The following GCM1 variants were observed in gnomAD, a reference collection of about 807,000 sequenced individuals.
GCM1 encodes the protein chorion-specific transcription factor GCMa.
GCM1 carries 2 observed loss-of-function variants against 25.7 expected under a neutral mutation model. The observed-to-expected ratio is 0.08, with a 90% CI of 0.03 to 0.24. GCM1 has a LOEUF of 0.24. GCM1 is among the 10% of genes least tolerant of loss of function. The probability of loss-of-function intolerance (pLI) is 1.00; values close to 1 mark genes in which losing one functional copy is unlikely to be tolerated. For missense variants in GCM1, 395 were observed against 538.7 expected, an observed-to-expected ratio of 0.73 and a Z score of 2.64; for synonymous variants, 183 against 195.7, an observed-to-expected ratio of 0.94 and a Z score of 0.54.
At chr6:53,143,576 G>A (rs1763910440) in intron 2 of GCM1, among the ~76,000 whole-genome samples, 1 of 152,132 alleles carries the variant, frequency 6.6e-6, no homozygotes, top group Non-Finnish European at 1.5e-5. Flanking sequence ...CATGAAGTTA[G>A]AAAAAGGTGA....
At chr6:53,148,212 G>A (rs988578942) in intron 1 of GCM1, among the ~76,000 whole-genome samples, 7 of 152,174 alleles carry the variant, frequency 4.6e-5, no homozygotes, top group Admixed American at 6.5e-5. Context: ...CAGCAGTTCC[G>A]TGTACTTACC....
chr6:53,147,073 G>A (rs772301986), intron 1 of GCM1, among the ~76,000 whole-genome samples: 2 of 151,944 alleles, frequency 1.3e-5, no homozygotes, highest in Admixed American at 6.6e-5. Flanking sequence ...ATAAATAAAT[G>A]AATGAATAAA....
intron 3 of GCM1, among the ~76,000 whole-genome samples, chr6:53,132,683 G>A (rs1763742428): frequency 6.6e-6 from 1 of 152,228 alleles, no homozygotes. Flanking sequence ...ATGCATGCCA[G>A]CTTGGGTGAC....
chr6:53,136,844 C>T (rs1388214386), intron 2 of GCM1, among the ~76,000 whole-genome samples: 6 of 152,040 alleles, frequency 3.9e-5, no homozygotes, highest in Non-Finnish European at 7.3e-5. Context: ...GGTGTGGTGG[C>T]GGGCACCAGT....
chr6:53,129,081 G>T (rs558224535), intron 5 of GCM1, 135 bp from the exon 6 acceptor site: 3 of 680,658 alleles, frequency 4.4e-6, no homozygotes, highest in Admixed American at 5.3e-5. Flanking sequence ...AATACTTGAC[G>T]CACAAACACA....
intron 2 of GCM1, among the ~76,000 whole-genome samples, chr6:53,137,384 T>C (rs750300136): frequency 2.0e-5 from 3 of 152,232 alleles, no homozygotes; most frequent in Non-Finnish European, 4.4e-5. Flanking sequence ...TTCCTTCTTC[T>C]GGCCCAAAGC....
chr6:53,132,684 C>T (rs12215191), intron 3 of GCM1, among the ~76,000 whole-genome samples: 1 of 152,198 alleles, frequency 6.6e-6, no homozygotes. Context: ...TGCATGCCAG[C>T]TTGGGTGACA....
intron 3 of GCM1, among the ~76,000 whole-genome samples, chr6:53,132,434 G>A (rs1200309658): frequency 6.6e-6 from 1 of 152,200 alleles, no homozygotes; most frequent in Non-Finnish European, 1.5e-5. Flanking sequence ...ATTCTGACCA[G>A]GCACAGTGGC....
Position 53,128,049 on chromosome 6 carries a change from AAAAAG to A in GCM1, c.*152_*156del. On this transcript the variant is annotated 3_prime_UTR_variant, in exon 6 of 6. Transcript: ENST00000259803. ...GTCTCAAAAAAAAAAAAAAAAAAAA[AAAAAG>A]AAGGAAAAAAGAAAAAGAAAAAAGC... 3.1e-6 allele frequency: 1 copy of A among 324,138 alleles called. No homozygotes were observed. The allele number at this position is 324,138 out of a possible 1,614,324, so 20.1% of individuals were successfully genotyped here. A position where few individuals can be genotyped will look rare whatever the true frequency, so the allele number is the denominator to read the frequency against.
intron 2 of GCM1, among the ~76,000 whole-genome samples, chr6:53,139,875 T>G (rs1207429061): frequency 6.6e-6 from 1 of 151,868 alleles, no homozygotes; most frequent in East Asian, 1.9e-4. Context: ...AATAAATAAA[T>G]AAATAAAATA....
chr6:53,132,791 C>T (rs904216774), intron 3 of GCM1, among the ~76,000 whole-genome samples: 11 of 152,170 alleles, frequency 7.2e-5, no homozygotes, highest in African/African-American at 2.7e-4. Flanking sequence ...AGAGTGAATG[C>T]AGCTACTACA....
At chr6:53,136,683 T>G (rs1352969120) in intron 2 of GCM1, among the ~76,000 whole-genome samples, 2 of 151,722 alleles carry the variant, frequency 1.3e-5, no homozygotes, top group East Asian at 3.9e-4. Flanking sequence ...AAGATAAGAG[T>G]CCAAGTCCCA....
rs77988656 is a variant in GCM1 at position 53,145,041 on chromosome 6, G to A, written c.75+517C>T. The stretch of plus-strand genomic sequence containing the variant: ...AAGAAAAAAGGAAGAAGGCAGGAAG[G>A]CAAGGCAAGGCGAAGGAAAGGGAAG... On this transcript the variant is annotated intron_variant, in intron 2 of 5. Coordinates refer to ENST00000259803, the MANE Select transcript of GCM1 (RefSeq NM_003643.4). Among the ~76,000 whole-genome samples the A allele has an allele frequency of 7.0e-3, 1,065 of 151,964 alleles. 17 individuals are homozygous for A. The highest frequency in any genetic ancestry group is 0.024 in the African/African-American group (993 of 41,450).
chr6:53,144,971 G>GAAAA (rs1763933270), intron 2 of GCM1, among the ~76,000 whole-genome samples: 4 of 93,790 alleles, frequency 4.3e-5, no homozygotes, highest in Admixed American at 1.0e-4. Context: ...AAGAAAGAAA[G>GAAAA]AAAATGAAAA....
chr6:53,128,376 A>C lies in GCM1; in HGVS notation c.1141T>G (p.Tyr381Asp). Residue 381 changes from tyrosine (Y) to aspartate (D), a missense_variant, in exon 6 of 6, where the codon TAC (tyrosine) becomes GAC (aspartate). By Grantham distance (160) the Tyr-to-Asp change is radical (BLOSUM62 -3). Transcript: ENST00000259803. ...DFNSYVQSPA[Y>D]HSPQEDPFLF... ...AAGGGGTCTTCTTGAGGTGAATGGT[A>C]TGCAGGAGACTGGACGTAGCTGTTA... 6.2e-7 allele frequency: 1 copy of C among 1,613,840 alleles called. No homozygotes were observed.
Position 53,130,951 on chromosome 6 carries a change from T to A in GCM1, c.442-20A>T. On this transcript the variant is annotated intron_variant, in intron 4 of 5. Coordinates refer to ENST00000259803, the MANE Select transcript of GCM1 (RefSeq NM_003643.4). Reference sequence around the variant, plus strand: ...CTTTGACTTAAATGAGACAAGGAAGTAGAAAGGAAATGATATAACACTAAC... The same window carrying A: ...CTTTGACTTAAATGAGACAAGGAAGAAGAAAGGAAATGATATAACACTAAC... 6.2e-7 allele frequency: 1 copy of A among 1,607,452 alleles called. No homozygotes were observed. Among genetic ancestry groups the A allele is most frequent in the Non-Finnish European group, 8.5e-7 (1 of 1,174,176 alleles).
Position 53,130,807 on chromosome 6 carries a change from G to A in GCM1, c.566C>T (p.Thr189Ile). ...ACATACATAATGAAGGATTACCCTG[G>A]TCTCTGTGCTCCCCTTCAGGCTCAA... ...VSLSLKGSTE[T>I]RSLPGETQSQ... Residue 189 changes from threonine to isoleucine, a missense_variant, in exon 5 of 6, where the codon ACC becomes ATC. By Grantham distance (89) the Thr-to-Ile change is moderately conservative. This residue lies in a region of GCM1 where 291 missense variants were observed against 314.6 expected (regional missense o/e 0.92). Transcript: ENST00000259803. 1 of 1,613,682 alleles carries A rather than the reference G, an allele frequency of 6.2e-7. No individual in the cohort carries two copies. The highest frequency in any genetic ancestry group is 8.5e-7 in the Non-Finnish European group (1 of 1,179,656).
In GCM1 at chr6:53,128,361, C is replaced by A. The variant is rs1454239307; in HGVS notation, c.1156G>T (p.Glu386Ter). The change falls in exon 6 of 6, where the codon GAA (glutamate) becomes TAA (stop). Residue 386 changes from glutamate (E) to a stop codon, truncating the protein, a stop_gained. Coordinates refer to ENST00000259803, the MANE Select transcript of GCM1 (RefSeq NM_003643.4). LOFTEE classifies it low-confidence loss of function (END_TRUNC). ...VQSPAYHSPQ[E>*]DPFLFTYASH... ...GCGTAGGTGAAGAGAAAGGGGTCTT[C>A]TTGAGGTGAATGGTATGCAGGAGAC... The A allele has an allele frequency of 6.2e-7, 1 of 1,613,834 alleles. No homozygotes were observed. The highest frequency in any genetic ancestry group is 1.3e-5 in the African/African-American group (1 of 74,894).
In GCM1 at chr6:53,140,313, T is replaced by C. The variant is rs150696861; in HGVS notation, c.75+5245A>G. On this transcript the variant is annotated intron_variant, in intron 2 of 5. Coordinates refer to ENST00000259803, the MANE Select transcript of GCM1 (RefSeq NM_003643.4). ...GTTAGCTCCCTAGCACCAAGACACATCTGAGTACTACAACTGGCTTGTTCT... is the reference window on the plus strand; with the variant it reads ...GTTAGCTCCCTAGCACCAAGACACACCTGAGTACTACAACTGGCTTGTTCT... Among the ~76,000 whole-genome samples, 1,013 of 152,246 alleles carry C rather than the reference T, an allele frequency of 6.7e-3. 14 individuals are homozygous for C. Among genetic ancestry groups the C allele is most frequent in the African/African-American group, 0.023 (962 of 41,538 alleles).
Sources: allele counts gnomAD v4.1 joint callset (sites outside exome capture counted in the v4.1 genomes callset), GRCh38; gene constraint gnomAD v4.1.1; regional missense constraint gnomAD v4.1.1; transcripts MANE v1.5; gene names NCBI Gene and HGNC (gene_info 2026-07-23, HGNC 2026-07-21).